Variants in MEF2D observed in about 807,000 individuals in gnomAD.
The protein encoded by MEF2D is myocyte-specific enhancer factor 2D.
Under a neutral mutation model 59.3 loss-of-function variants are expected in MEF2D, and 10 were observed. The ratio of observed to expected loss-of-function variants is 0.17; its 90% CI spans 0.10 to 0.29. MEF2D has a LOEUF of 0.29. Among genes scored for constraint, MEF2D ranks in the 10% least tolerant of loss-of-function variants. The pLI is 1.00. For synonymous variants in MEF2D, 305 were observed against 295.0 expected (o/e 1.03, Z -0.35); for missense variants, 508 against 699.4 (o/e 0.73, Z 3.09).
intron 1 of MEF2D, among the ~76,000 whole-genome samples, chr1:156,499,952 C>T (rs975428735): frequency 2.0e-5 from 3 of 152,054 alleles, no homozygotes; most frequent in Non-Finnish European, 4.4e-5. Context: ...CATCCCCCCT[C>T]CCTCCCCCGC....
chr1:156,475,332 C>T, intron 8 of MEF2D, 95 bp from the exon 9 acceptor site: 1 of 1,444,294 alleles, frequency 6.9e-7, no homozygotes, highest in Non-Finnish European at 9.2e-7. Context: ...TCCTGAATCC[C>T]AAAGCCAAGG....
intron 1 of MEF2D, among the ~76,000 whole-genome samples, chr1:156,487,673 C>T (rs1672459989): frequency 6.6e-6 from 1 of 152,312 alleles, no homozygotes; most frequent in East Asian, 1.9e-4. Context: ...AAACTTCCCT[C>T]CTACCCAATT....
intron 4 of MEF2D, among the ~76,000 whole-genome samples, chr1:156,480,348 C>G (rs1007780916): frequency 1.3e-5 from 2 of 152,008 alleles, no homozygotes; most frequent in Admixed American, 1.3e-4. Flanking sequence ...CCTCTCCCCC[C>G]AAAAAAACAT....
At chr1:156,498,808 T>C (rs1673300765) in intron 1 of MEF2D, among the ~76,000 whole-genome samples, 1 of 152,118 alleles carries the variant, frequency 6.6e-6, no homozygotes, top group South Asian at 2.1e-4. Flanking sequence ...TAAGCTCCAG[T>C]GTCCCCCAAT....
intron 1 of MEF2D, among the ~76,000 whole-genome samples, chr1:156,491,380 G>A (rs975315688): frequency 1.3e-5 from 2 of 152,222 alleles, no homozygotes. Context: ...AATTGTGTAA[G>A]TCACGGAGAG....
chr1:156,493,566 AGAAG>A (rs1672947461), intron 1 of MEF2D, among the ~76,000 whole-genome samples: 1 of 151,566 alleles, frequency 6.6e-6, no homozygotes, highest in African/African-American at 2.4e-5. Flanking sequence ...AGGGGGGCCC[AGAAG>A]GAAGGGGGTG....
At chr1:156,495,596 G>A (rs1673083546) in intron 1 of MEF2D, among the ~76,000 whole-genome samples, 1 of 151,746 alleles carries the variant, frequency 6.6e-6, no homozygotes, top group Admixed American at 6.6e-5. Flanking sequence ...CGCTTGAATG[G>A]GAGGCTGCAG....
At chr1:156,488,417 C>G (rs1012171574) in intron 1 of MEF2D, among the ~76,000 whole-genome samples, 2 of 152,114 alleles carry the variant, frequency 1.3e-5, no homozygotes, top group African/African-American at 2.4e-5. Flanking sequence ...TGAGGAGAAG[C>G]CTTCACAAAT....
Position 156,479,584 on chromosome 1 carries a change from A to G in MEF2D, c.607+2T>C. ...CACCTACCCACCTGCCAGCCCACTC[A>G]CCCGCACTAGCTGGCCGCTGGGGCA... is the stretch of plus-strand genomic sequence containing the variant. On this transcript the variant is annotated splice_donor_variant, in intron 5 of 11. Coordinates refer to ENST00000348159, the MANE Select transcript of MEF2D (RefSeq NM_005920.4). LOFTEE classifies it high-confidence loss of function. The G allele has an allele frequency of 6.5e-7, 1 of 1,549,280 alleles. No individual in the cohort carries two copies. The highest frequency in any genetic ancestry group is 2.0e-5 in the Admixed American group (1 of 50,862).
At chr1:156,475,807 T>C (rs1671534353) in intron 8 of MEF2D, among the ~76,000 whole-genome samples, 1 of 152,174 alleles carries the variant, frequency 6.6e-6, no homozygotes, top group South Asian at 2.1e-4. Flanking sequence ...CTCTCTGGCC[T>C]CCCGTCAGGG....
intron 7 of MEF2D, 54 bp downstream of exon 7, chr1:156,476,956 CCT>C (rs112659728): frequency 2.9e-5 from 46 of 1,599,420 alleles, no homozygotes; most frequent in African/African-American, 1.6e-4. Context: ...TGCTCTTTCC[CCT>C]GTCCCTACTC....
intron 1 of MEF2D, among the ~76,000 whole-genome samples, chr1:156,488,943 C>G (rs1672560229): frequency 1.3e-5 from 2 of 152,198 alleles, no homozygotes; most frequent in South Asian, 4.1e-4. Context: ...TTCTCCCCTA[C>G]ACCCTTCCAC....
At chr1:156,482,859 A>AG (rs1235551459) in intron 2 of MEF2D, among the ~76,000 whole-genome samples, 2 of 152,208 alleles carry the variant, frequency 1.3e-5, no homozygotes, top group African/African-American at 4.8e-5. Context: ...CACTCACTGA[A>AG]GGGGCAGGAT....
At chr1:156,486,756 A>G (rs1473891446) in intron 1 of MEF2D, among the ~76,000 whole-genome samples, 2 of 152,232 alleles carry the variant, frequency 1.3e-5, no homozygotes, top group East Asian at 3.8e-4. Flanking sequence ...CTAAAGTTTC[A>G]TGAGGGCAGG....
At chr1:156,471,877 G>A (rs1329888711) in intron 9 of MEF2D, among the ~76,000 whole-genome samples, 1 of 152,208 alleles carries the variant, frequency 6.6e-6, no homozygotes, top group Non-Finnish European at 1.5e-5. Context: ...GTAACAAGAG[G>A]AAAGGGAGCC....
At chr1:156,482,764 C>G in intron 2 of MEF2D, 124 bp from the exon 3 acceptor site, 1 of 876,902 alleles carries the variant, frequency 1.1e-6, no homozygotes, top group Non-Finnish European at 1.8e-6. Flanking sequence ...TGTGACACAG[C>G]CCCTGGTCTC....
chr1:156,485,100 A>G (rs1451601157), intron 1 of MEF2D, among the ~76,000 whole-genome samples: 2 of 151,904 alleles, frequency 1.3e-5, no homozygotes, highest in African/African-American at 4.8e-5. Flanking sequence ...CCCCATGCCC[A>G]GAGACCCTAC....
At chr1:156,485,874 G>A (rs990006689) in intron 1 of MEF2D, among the ~76,000 whole-genome samples, 7 of 149,334 alleles carry the variant, frequency 4.7e-5, no homozygotes, top group Non-Finnish European at 1.0e-4. Flanking sequence ...TTGTGAGACA[G>A]AGTCTCACTC....
At position 156,497,148 on chromosome 1, in the gene MEF2D, G is replaced by A. The variant is rs745894810; in HGVS notation, c.-139+3338C>T. 2.6e-5 allele frequency among the ~76,000 whole-genome samples: 4 copies of A among 152,124 alleles called. No individual in the cohort carries two copies. The East Asian group carries it at 5.8e-4, about 22-fold the overall frequency. ...GATCATGGATAGACAGAGTGACATC[G>A]ACCACAATACAGTCAGACGTCCAGC... On this transcript the variant is annotated intron_variant, in intron 1 of 11. Transcript: ENST00000348159.
Sources: allele counts gnomAD v4.1 joint callset (sites outside exome capture counted in the v4.1 genomes callset), GRCh38; gene constraint gnomAD v4.1.1; transcripts MANE v1.5; gene names NCBI Gene and HGNC (gene_info 2026-07-23, HGNC 2026-07-21).